The following CSNK2A1 variants were observed in gnomAD, a reference collection of about 807,000 sequenced individuals.
CSNK2A1 encodes casein kinase 2 alpha 1.
CSNK2A1 carries 10 observed loss-of-function variants against 62.9 expected under a neutral mutation model. The ratio of observed to expected loss-of-function variants is 0.16; its 90% CI spans 0.10 to 0.27. The LOEUF (loss-of-function observed/expected upper bound fraction) is 0.27. CSNK2A1 is among the 10% of genes least tolerant of loss of function. The pLI is 1.00. For synonymous variants in CSNK2A1, 124 were observed against 167.8 expected, an observed-to-expected ratio of 0.74 and a Z score of 2.02; for missense variants, 160 against 492.0, an observed-to-expected ratio of 0.33 and a Z score of 6.38.
intron 7 of CSNK2A1, 94 bp downstream of exon 7, chr20:497,627 A>T (rs916379812): frequency 6.5e-6 from 7 of 1,071,708 alleles, no homozygotes; most frequent in Non-Finnish European, 9.8e-6. Context: ...AACATACTTT[A>T]CAAAGTTAAT....
rs2017965171 is a variant in CSNK2A1, at chr20:482,024, A to G, written c.*1937T>C. The G allele has an allele frequency of 6.6e-6, 1 of 152,214 alleles. No individual in the cohort carries two copies. Among genetic ancestry groups the G allele is most frequent in the Non-Finnish European group, 1.5e-5 (1 of 68,028 alleles). The allele number at this position is 152,214 out of a possible 1,614,324, so 9.4% of individuals were successfully genotyped here. On this transcript the variant is annotated 3_prime_UTR_variant, in exon 14 of 14. Coordinates refer to ENST00000217244, the MANE Select transcript of CSNK2A1 (RefSeq NM_177559.3). The stretch of plus-strand genomic sequence containing the variant: ...TCTCCCTACCGTTGAGAAGCGCTAT[A>G]AAAGGAGGCTTTAGCGTCCTCTAAA...
rs950119377 is a variant in CSNK2A1 at position 483,415 on chromosome 20, T to C, written c.*546A>G. The C allele has an allele frequency of 1.3e-4, 20 of 152,340 alleles. No individual in the cohort carries two copies. The highest frequency in any genetic ancestry group is 4.1e-4 in the African/African-American group (17 of 41,410). The allele number at this position is 152,340 out of a possible 1,614,324, so 9.4% of individuals were successfully genotyped here. On this transcript the variant is annotated 3_prime_UTR_variant, in exon 14 of 14. Transcript: ENST00000217244. ...TAACCCCACTGAAGCGCTTATGGAG[T>C]AAAGTGATGTAAGCGACCAGCAAGC...
Position 499,970 on chromosome 20 carries a change from AAAAAAAT to A in CSNK2A1, c.214-43_214-37del, listed in dbSNP as rs1600383246. 1 of 1,561,478 alleles carries A rather than the reference AAAAAAAT, an allele frequency of 6.4e-7. No homozygotes were observed. The highest frequency in any genetic ancestry group is 8.7e-7 in the Non-Finnish European group (1 of 1,147,744). ...AAAAGTACATCAGCAAAAAAAAAAA[AAAAAAAT>A]TTTTTCAGAGTATTTCAACACGTAG... On this transcript the variant is annotated intron_variant, in intron 4 of 13. Coordinates refer to ENST00000217244, the MANE Select transcript of CSNK2A1 (RefSeq NM_177559.3). The surrounding 1 kb of genome is among the most constrained non-coding windows in gnomAD (Gnocchi z 4.2).
At position 524,338 on chromosome 20, in the gene CSNK2A1, C is replaced by T. The variant is rs143511612; in HGVS notation, c.-110+3595G>A. On this transcript the variant is annotated intron_variant, in intron 2 of 13. Coordinates refer to ENST00000217244, the MANE Select transcript of CSNK2A1 (RefSeq NM_177559.3). ...CTCTTAGAGGCTGAGGCAGGGGAAT[C>T]GCTTGAAACTCTCGAGAGGCGAAGG... 5.2e-4 allele frequency among the ~76,000 whole-genome samples: 77 copies of T among 148,154 alleles called. 1 individual carries two copies. Among genetic ancestry groups the T allele is most frequent in the Middle Eastern group, 3.5e-3 (1 of 284 alleles).
rs1442741953 is a variant in CSNK2A1 at position 527,944 on chromosome 20, GA to G, written c.-122del. On this transcript the variant is annotated 5_prime_UTR_variant, in exon 2 of 14. Coordinates refer to ENST00000217244, the MANE Select transcript of CSNK2A1 (RefSeq NM_177559.3). The stretch of plus-strand genomic sequence containing the variant: ...CTACTATCACTTACCAAAGAGATGT[GA>G]AACTAGTCAGTATGGGTGAATGATG... 2 of 152,182 alleles carry G rather than the reference GA, an allele frequency of 1.3e-5. No individual in the cohort carries two copies. Among genetic ancestry groups the G allele is most frequent in the African/African-American group, 4.8e-5 (2 of 41,446 alleles). The allele number at this position is 152,182 out of a possible 1,614,324, so 9.4% of individuals were successfully genotyped here.
rs763330173 is a variant in CSNK2A1, at chr20:483,157, A to T, written c.*804T>A. 2 of 152,246 alleles carry T rather than the reference A, an allele frequency of 1.3e-5. No homozygotes were observed. Among genetic ancestry groups the T allele is most frequent in the Non-Finnish European group, 2.9e-5 (2 of 68,042 alleles). The allele number at this position is 152,246 out of a possible 1,614,324, so 9.4% of individuals were successfully genotyped here. A position where few individuals can be genotyped will look rare whatever the true frequency, so the allele number is the denominator to read the frequency against. On this transcript the variant is annotated 3_prime_UTR_variant, in exon 14 of 14. Coordinates refer to ENST00000217244, the MANE Select transcript of CSNK2A1 (RefSeq NM_177559.3). ...GCCTTCCCTCTCCTACCAGCTATGG[A>T]GCACAGCATGTTGGGAGATGAACAG...
chr20:472,578 A>AC lies in CSNK2A1; in HGVS notation c.*11382dup, dbSNP rs1490388830. 1.3e-5 allele frequency: 2 copies of AC among 152,264 alleles called. No homozygotes were observed. The highest frequency in any genetic ancestry group is 2.9e-5 in the Non-Finnish European group (2 of 68,054). The allele number at this position is 152,264 out of a possible 1,614,324, so 9.4% of individuals were successfully genotyped here. Reference sequence around the variant, plus strand: ...CAGTCCCCTTAAGCTGGTGGCCCTCACATTTATTTAGCACAAATTTAATGA... The same window carrying AC: ...CAGTCCCCTTAAGCTGGTGGCCCTCACCATTTATTTAGCACAAATTTAATGA... On this transcript the variant is annotated 3_prime_UTR_variant, in exon 14 of 14. Transcript: ENST00000217244.
At chr20:532,825 T>C (rs1372616497) in intron 1 of CSNK2A1, among the ~76,000 whole-genome samples, 4 of 152,100 alleles carry the variant, frequency 2.6e-5, no homozygotes, top group African/African-American at 9.7e-5. Context: ...CAGGCAACCA[T>C]TTCGTCTGGA....
At chr20:503,722 G>A (rs1038643616) in intron 4 of CSNK2A1, 1 of 398,644 alleles carries the variant, frequency 2.5e-6, no homozygotes, top group Non-Finnish European at 4.4e-6. Context: ...GACAGGAAAT[G>A]AGGGTGGTGG....
rs545904350 is a variant in CSNK2A1, at chr20:528,547, C to G, written c.-226-498G>C. 4.6e-5 allele frequency among the ~76,000 whole-genome samples: 7 copies of G among 152,294 alleles called. No individual in the cohort carries two copies. The Middle Eastern group carries it at 0.01, about 222-fold the overall frequency. On this transcript the variant is annotated intron_variant, in intron 1 of 13. Coordinates refer to ENST00000217244, the MANE Select transcript of CSNK2A1 (RefSeq NM_177559.3). ...CCTCCTCCTTCAGCTTCCTTAGTAGCTGGGACCATAGGCATACACTACTGT... is the reference window on the plus strand; with the variant it reads ...CCTCCTCCTTCAGCTTCCTTAGTAGGTGGGACCATAGGCATACACTACTGT...
In CSNK2A1 at chr20:490,909, A is replaced by AC. The variant is rs1190471330; in HGVS notation, c.622-1029_622-1028insG. ...CACTTACATGAAAAAAAAAAAAAAAAAACCTCCAAATTGTTAGCCCATGGA... is the reference window on the plus strand; with the variant it reads ...CACTTACATGAAAAAAAAAAAAAAAACAACCTCCAAATTGTTAGCCCATGGA... On this transcript the variant is annotated intron_variant, in intron 9 of 13. Coordinates refer to ENST00000217244, the MANE Select transcript of CSNK2A1 (RefSeq NM_177559.3). Among the ~76,000 whole-genome samples the AC allele has an allele frequency of 1.5e-4, 23 of 150,966 alleles. No homozygotes were observed. The Middle Eastern group carries it at 0.01, about 67-fold the overall frequency.
At chr20:488,363 T>A (rs2018146898) in intron 11 of CSNK2A1, 2 of 245,638 alleles carry the variant, frequency 8.1e-6, no homozygotes, top group Admixed American at 5.5e-5. Context: ...TGGAGAGAGG[T>A]TTTTCACTTA....
Position 475,006 on chromosome 20 carries a change from C to T in CSNK2A1, c.*8955G>A, listed in dbSNP as rs991261649. 2.0e-5 allele frequency: 3 copies of T among 152,080 alleles called. No homozygotes were observed. Among genetic ancestry groups the T allele is most frequent in the Non-Finnish European group, 4.4e-5 (3 of 68,022 alleles). 9.4% of individuals were successfully genotyped at this position (152,080 alleles called of 1,614,324 possible). On this transcript the variant is annotated 3_prime_UTR_variant, in exon 14 of 14. Coordinates refer to ENST00000217244, the MANE Select transcript of CSNK2A1 (RefSeq NM_177559.3). The stretch of plus-strand genomic sequence containing the variant: ...CCCCAAACGTAAATGGAGAGTTTAA[C>T]AAATAATTATAGAGCAAATACAACA...
chr20:487,649 T>G, intron 11 of CSNK2A1, 74 bp from the exon 12 acceptor site: 2 of 1,601,006 alleles, frequency 1.2e-6, no homozygotes, highest in Non-Finnish European at 1.7e-6. Flanking sequence ...CCTACATTTT[T>G]CTTAGTGGCT....
At chr20:495,662 G>C in intron 8 of CSNK2A1, 57 bp downstream of exon 8, 5 of 1,462,610 alleles carry the variant, frequency 3.4e-6, no homozygotes, top group Non-Finnish European at 4.8e-6. Context: ...AAGTGTTGAA[G>C]ATGGGCAATT....
chr20:484,981 C>T (rs1402881134), intron 13 of CSNK2A1, among the ~76,000 whole-genome samples: 3 of 136,390 alleles, frequency 2.2e-5, no homozygotes, highest in African/African-American at 5.6e-5. Flanking sequence ...GTGGGAGAAT[C>T]GCTTGAACCC....
At chr20:505,474 C>T (rs1405364320) in intron 3 of CSNK2A1, among the ~76,000 whole-genome samples, 2 of 150,516 alleles carry the variant, frequency 1.3e-5, no homozygotes, top group African/African-American at 4.9e-5. Flanking sequence ...ATTCTCCTGC[C>T]TCAGCCTCCC....
At chr20:529,463 G>T (rs956954457) in intron 1 of CSNK2A1, among the ~76,000 whole-genome samples, 3 of 152,080 alleles carry the variant, frequency 2.0e-5, no homozygotes, top group Non-Finnish European at 4.4e-5. Context: ...AGCCTTCTTG[G>T]TTACTTGAAT....
chr20:537,211 T>A (rs905668963), intron 1 of CSNK2A1, among the ~76,000 whole-genome samples: 6 of 152,128 alleles, frequency 3.9e-5, no homozygotes, highest in Non-Finnish European at 2.9e-5. Context: ...ATGTCACACA[T>A]AAAAAATTAT....
Sources: allele counts gnomAD v4.1 joint callset (sites outside exome capture counted in the v4.1 genomes callset), GRCh38; gene constraint gnomAD v4.1.1; non-coding constraint Gnocchi (gnomAD v3.1); transcripts MANE v1.5; gene names NCBI Gene and HGNC (gene_info 2026-07-23, HGNC 2026-07-21).